STXBP5L: variants seen among roughly 807,000 people sequenced by gnomAD.
STXBP5L encodes syntaxin-binding protein 5-like.
STXBP5L carries 65 observed loss-of-function variants against 144.5 expected under a neutral mutation model. That is an observed-to-expected ratio of 0.45 (90% CI 0.37 to 0.55). The LOEUF is 0.55. Among genes scored for constraint, STXBP5L ranks in the 20% least tolerant of loss-of-function variants. The pLI is 0.00. For missense variants in STXBP5L, 1,298 were observed against 1,405.5 expected, an observed-to-expected ratio of 0.92 and a Z score of 1.22; for synonymous variants, 505 against 469.6, an observed-to-expected ratio of 1.08 and a Z score of -0.97.
At chr3:121,266,103 A>G (rs531112126) in intron 18 of STXBP5L, among the ~76,000 whole-genome samples, 1 of 152,224 alleles carries the variant, frequency 6.6e-6, no homozygotes, top group Non-Finnish European at 1.5e-5. Context: ...ATAGAAAAAG[A>G]GGGATTCCTC....
At chr3:121,222,020 T>C (rs2048988302) in intron 10 of STXBP5L, among the ~76,000 whole-genome samples, 1 of 152,022 alleles carries the variant, frequency 6.6e-6, no homozygotes, top group Non-Finnish European at 1.5e-5. Context: ...TTCTTCAGCT[T>C]AGCAAATAGG....
chr3:121,061,907 C>A (rs2041300411), intron 5 of STXBP5L, among the ~76,000 whole-genome samples: 1 of 148,242 alleles, frequency 6.7e-6, no homozygotes, highest in South Asian at 2.1e-4. Context: ...TCTGATGTGT[C>A]TTGACTATCC....
At chr3:121,040,664 T>A (rs1361477698) in intron 3 of STXBP5L, among the ~76,000 whole-genome samples, 1 of 152,060 alleles carries the variant, frequency 6.6e-6, no homozygotes, top group Admixed American at 6.6e-5. Flanking sequence ...GTCCCTGGCC[T>A]CCCTAGACTG....
At chr3:121,006,404 G>T (rs988180143) in intron 3 of STXBP5L, among the ~76,000 whole-genome samples, 4 of 151,918 alleles carry the variant, frequency 2.6e-5, no homozygotes, top group African/African-American at 9.7e-5. Context: ...CCATTTGCTT[G>T]GTAGATCTTC....
At chr3:121,132,439 A>G (rs2045035572) in intron 7 of STXBP5L, among the ~76,000 whole-genome samples, 1 of 152,188 alleles carries the variant, frequency 6.6e-6, no homozygotes, top group Non-Finnish European at 1.5e-5. Flanking sequence ...GAGTGAGAAG[A>G]TAAAGACCAC....
chr3:121,289,510 C>A (rs1362308291), intron 19 of STXBP5L, among the ~76,000 whole-genome samples: 9 of 152,090 alleles, frequency 5.9e-5, no homozygotes, highest in African/African-American at 1.7e-4. Flanking sequence ...AGAAAGTCAA[C>A]AAAGAAACAA....
In STXBP5L at chr3:121,418,541, C is replaced by G; in HGVS notation, c.3431C>G (p.Ser1144Cys). The G allele has an allele frequency of 2.5e-6, 4 of 1,613,890 alleles. No homozygotes were observed. Among genetic ancestry groups the G allele is most frequent in the Non-Finnish European group, 3.4e-6 (4 of 1,179,906 alleles). ...AGMMTSAEAF[S>C]KHAHELMLKY... ...ATGATGACCAGTGCAGAAGCATTTTCCAAACATGCACATGAGGTAAACTGC... is the reference window on the plus strand; with the variant it reads ...ATGATGACCAGTGCAGAAGCATTTTGCAAACATGCACATGAGGTAAACTGC... Residue 1144 changes from serine (S) to cysteine (C), a missense_variant, in exon 26 of 27, where the codon TCC (serine) becomes TGC (cysteine). Transcript: ENST00000471454.
intron 3 of STXBP5L, among the ~76,000 whole-genome samples, chr3:121,002,011 A>G (rs1156455928): frequency 6.6e-6 from 1 of 152,238 alleles, no homozygotes; most frequent in Admixed American, 6.5e-5. Flanking sequence ...TAATGCTTTA[A>G]TGAACCTTCA....
intron 20 of STXBP5L, among the ~76,000 whole-genome samples, chr3:121,353,156 G>A (rs2045365790): frequency 6.6e-6 from 1 of 151,956 alleles, no homozygotes; most frequent in East Asian, 1.9e-4. Context: ...TTTTTGTTGT[G>A]TCTCTGCCAG....
intron 5 of STXBP5L, among the ~76,000 whole-genome samples, chr3:121,046,416 G>A (rs1229607166): frequency 1.3e-5 from 2 of 152,086 alleles, no homozygotes; most frequent in African/African-American, 2.4e-5. Context: ...ATTTTTTGGA[G>A]TAGTTTCAGT....
chr3:121,079,948 G>T lies in STXBP5L; in HGVS notation c.470+34413G>T, dbSNP rs563300242. 1.6e-4 allele frequency among the ~76,000 whole-genome samples: 24 copies of T among 152,158 alleles called. No homozygotes were observed. The East Asian group carries it at 3.9e-3, about 24-fold the overall frequency. The stretch of plus-strand genomic sequence containing the variant: ...TGAAGTGCCCCACTATTATTGTGTT[G>T]CTGTCTATTTTATTTCTTAGGTCTA... On this transcript the variant is annotated intron_variant, in intron 5 of 26. Transcript: ENST00000471454.
In STXBP5L at chr3:121,205,930, T is replaced by G; in HGVS notation, c.885T>G (p.Ser295Arg). Residue 295 changes from serine (S) to arginine (R), a missense_variant, in exon 10 of 27, where the codon AGT becomes AGG. Transcript: ENST00000471454. The part of the protein sequence containing the change: ...PFQTTIPHGK[S>R]QREGRKSESC... ...AATATTTTTTTTCTTTAGGAAAAAGTCAAAGAGAAGGAAGAAAATCTGAAT... is the reference window on the plus strand; with the variant it reads ...AATATTTTTTTTCTTTAGGAAAAAGGCAAAGAGAAGGAAGAAAATCTGAAT... 1 of 1,498,980 alleles carries G rather than the reference T, an allele frequency of 6.7e-7. No homozygotes were observed. Among genetic ancestry groups the G allele is most frequent in the Non-Finnish European group, 8.9e-7 (1 of 1,122,140 alleles). The allele number at this position is 1,498,980 out of a possible 1,614,324, so 92.9% of individuals were successfully genotyped here. A position where few individuals can be genotyped will look rare whatever the true frequency, so the allele number is the denominator to read the frequency against.
At chr3:121,321,260 T>C (rs1162348504) in intron 20 of STXBP5L, among the ~76,000 whole-genome samples, 2 of 152,164 alleles carry the variant, frequency 1.3e-5, no homozygotes, top group African/African-American at 2.4e-5. Context: ...CTTATAACAG[T>C]TTTGTAATCA....
chr3:120,931,101 T>C (rs1709912132), intron 2 of STXBP5L, among the ~76,000 whole-genome samples: 1 of 152,030 alleles, frequency 6.6e-6, no homozygotes, highest in African/African-American at 2.4e-5. Context: ...TTTCTCTTTT[T>C]TTTTTTTTTT....
chr3:121,193,482 A>G (rs962542447), intron 9 of STXBP5L, among the ~76,000 whole-genome samples: 6 of 152,010 alleles, frequency 3.9e-5, no homozygotes. Context: ...GTATGTACCC[A>G]AAGGATTATA....
At chr3:121,021,239 C>T (rs1488011125) in intron 3 of STXBP5L, among the ~76,000 whole-genome samples, 1 of 152,000 alleles carries the variant, frequency 6.6e-6, no homozygotes, top group Non-Finnish European at 1.5e-5. Flanking sequence ...ATACAGGCAA[C>T]CCACACTGGA....
At chr3:121,221,886 C>T (rs1314360729) in intron 10 of STXBP5L, among the ~76,000 whole-genome samples, 1 of 151,358 alleles carries the variant, frequency 6.6e-6, no homozygotes, top group East Asian at 1.9e-4. Flanking sequence ...AAAAAAAAAC[C>T]CTTTTTGGTT....
chr3:121,360,916 C>A (rs1353090155), intron 20 of STXBP5L, among the ~76,000 whole-genome samples: 3 of 152,068 alleles, frequency 2.0e-5, no homozygotes, highest in Non-Finnish European at 4.4e-5. Flanking sequence ...ATATATTGCT[C>A]ATTAATGTCC....
At chr3:121,288,958 G>A (rs1419281463) in intron 19 of STXBP5L, among the ~76,000 whole-genome samples, 2 of 152,102 alleles carry the variant, frequency 1.3e-5, no homozygotes, top group Non-Finnish European at 2.9e-5. Context: ...AACAGACACT[G>A]GGGCCTACTT....
Sources: gnomAD v4.1 joint callset for allele counts (sites outside exome capture counted in the v4.1 genomes callset) on GRCh38, gnomAD v4.1.1 for gene constraint, MANE v1.5 for transcripts, NCBI Gene and HGNC (gene_info 2026-07-23, HGNC 2026-07-21) for gene names.